Variants in IMMP2L observed in about 807,000 individuals in gnomAD.
The protein encoded by IMMP2L is inner mitochondrial membrane peptidase subunit 2.
IMMP2L carries 18 observed loss-of-function variants against 19.3 expected under a neutral mutation model. The ratio of observed to expected loss-of-function variants is 0.93; its 90% CI spans 0.64 to 1.38. IMMP2L has a LOEUF of 1.38. Ranked by LOEUF, IMMP2L falls within the 40% of genes most tolerant of loss-of-function variation. The pLI is 0.00. For missense variants in IMMP2L, 233 were observed against 218.2 expected (o/e 1.07, Z -0.43); for synonymous variants, 76 against 73.0 (o/e 1.04, Z -0.21).
At chr7:110,746,995 A>G (rs953769442) in intron 5 of IMMP2L, among the ~76,000 whole-genome samples, 1 of 152,178 alleles carries the variant, frequency 6.6e-6, no homozygotes, top group African/African-American at 2.4e-5. Flanking sequence ...AACAAAATTG[A>G]TAGACCACTA....
intron 1 of IMMP2L, among the ~76,000 whole-genome samples, chr7:111,551,963 G>T (rs1790714704): frequency 6.6e-6 from 1 of 152,062 alleles, no homozygotes. Flanking sequence ...GCATTCAGAG[G>T]TTTCCTCAAG....
At chr7:111,551,626 T>G (rs1278348261) in intron 1 of IMMP2L, among the ~76,000 whole-genome samples, 1 of 151,656 alleles carries the variant, frequency 6.6e-6, no homozygotes, top group Non-Finnish European at 1.5e-5. Flanking sequence ...GGCTAAGGGC[T>G]CCAGTGGCAA....
intron 5 of IMMP2L, among the ~76,000 whole-genome samples, chr7:110,816,484 G>A (rs901942686): frequency 1.6e-4 from 25 of 151,784 alleles, no homozygotes; most frequent in African/African-American, 5.5e-4. Flanking sequence ...TATTAGGTCT[G>A]CTTGGTGCAG....
intron 3 of IMMP2L, among the ~76,000 whole-genome samples, chr7:111,249,619 A>G (rs1815835069): frequency 6.6e-6 from 1 of 152,222 alleles, no homozygotes; most frequent in Admixed American, 6.5e-5. Flanking sequence ...AGAGAAAGTC[A>G]TATTTGTAAT....
intron 3 of IMMP2L, among the ~76,000 whole-genome samples, chr7:111,048,238 CAAAAAAAAAAAAAAAAAA>C (rs575701337): frequency 1.6e-4 from 3 of 18,342 alleles, no homozygotes; most frequent in Non-Finnish European, 2.8e-4. Flanking sequence ...GACTCTGTCT[CAAAAAAAAAAAAAAAAAA>C]AAAAAAAAAG....
At chr7:111,223,634 G>T (rs1812759334) in intron 3 of IMMP2L, among the ~76,000 whole-genome samples, 2 of 152,040 alleles carry the variant, frequency 1.3e-5, no homozygotes, top group Middle Eastern at 3.4e-3. Context: ...AGTCTACTTT[G>T]TAACATGCTT....
intron 1 of IMMP2L, among the ~76,000 whole-genome samples, chr7:111,556,014 G>GTATATATATA: frequency 3.5e-5 from 4 of 114,570 alleles, no homozygotes; most frequent in Non-Finnish European, 6.9e-5. Flanking sequence ...TCTTCTGTGT[G>GTATATATATA]CATGTATATA....
chr7:111,155,197 A>G (rs1444926778), intron 3 of IMMP2L, among the ~76,000 whole-genome samples: 4 of 152,160 alleles, frequency 2.6e-5, no homozygotes, highest in African/African-American at 9.7e-5. Context: ...AGAAGAACCT[A>G]AAGTTTCCAA....
intron 3 of IMMP2L, among the ~76,000 whole-genome samples, chr7:111,325,538 A>C (rs868800089): frequency 1.3e-5 from 2 of 151,810 alleles, no homozygotes; most frequent in African/African-American, 4.8e-5. Flanking sequence ...ACCTACCAAA[A>C]TATTTTTAAT....
At chr7:111,367,632 T>C (rs1232223612) in intron 3 of IMMP2L, among the ~76,000 whole-genome samples, 3 of 152,034 alleles carry the variant, frequency 2.0e-5, no homozygotes, top group Non-Finnish European at 4.4e-5. Flanking sequence ...TTGAGCAATA[T>C]ATATCCTATT....
At chr7:111,530,557 A>T (rs898157917) in intron 1 of IMMP2L, among the ~76,000 whole-genome samples, 5 of 152,168 alleles carry the variant, frequency 3.3e-5, no homozygotes, top group Admixed American at 6.5e-5. Context: ...AGATTTTTTT[A>T]AAAGCAAAAT....
intron 3 of IMMP2L, among the ~76,000 whole-genome samples, chr7:111,160,741 A>G (rs973735542): frequency 2.7e-5 from 4 of 150,486 alleles, no homozygotes; most frequent in African/African-American, 9.7e-5. Context: ...AAGTAAAATT[A>G]AAAAATATAA....
chr7:111,426,732 G>A (rs1458584857), intron 3 of IMMP2L, among the ~76,000 whole-genome samples: 1 of 151,308 alleles, frequency 6.6e-6, no homozygotes, highest in African/African-American at 2.4e-5. Flanking sequence ...TCTGGCATAT[G>A]TGAGTTTACT....
chr7:111,217,518 G>C (rs529684357), intron 3 of IMMP2L, among the ~76,000 whole-genome samples: 2 of 152,116 alleles, frequency 1.3e-5, no homozygotes, highest in South Asian at 4.1e-4. Flanking sequence ...CAGCAGAGCA[G>C]AGTAGCTACA....
intron 1 of IMMP2L, among the ~76,000 whole-genome samples, chr7:111,539,202 GAA>G (rs1161062984): frequency 3.2e-4 from 2 of 6,206 alleles, no homozygotes; most frequent in South Asian, 6.5e-3. Flanking sequence ...GAGGGAGAAA[GAA>G]AGAAAGAAAG....
chr7:111,397,299 C>T (rs572420742), intron 3 of IMMP2L, among the ~76,000 whole-genome samples: 15 of 152,088 alleles, frequency 9.9e-5, no homozygotes, highest in South Asian at 6.2e-4. Flanking sequence ...TCATAGTCTT[C>T]GAAAACATGA....
At chr7:110,969,305 G>A (rs932793903) in intron 3 of IMMP2L, among the ~76,000 whole-genome samples, 2 of 151,938 alleles carry the variant, frequency 1.3e-5, no homozygotes, top group Admixed American at 6.6e-5. Flanking sequence ...AAATTTTTAT[G>A]TAGGTCAGTA....
chr7:111,223,732 C>G (rs2129621197), intron 3 of IMMP2L, among the ~76,000 whole-genome samples: 1 of 152,164 alleles, frequency 6.6e-6, no homozygotes, highest in South Asian at 2.1e-4. Flanking sequence ...GTTCTTCTTG[C>G]AGCTGAAAAT....
chr7:111,481,030 G>A (rs1478645521), intron 3 of IMMP2L, among the ~76,000 whole-genome samples: 1 of 151,902 alleles, frequency 6.6e-6, no homozygotes, highest in Non-Finnish European at 1.5e-5. Flanking sequence ...AAATCTTTAT[G>A]ACTCTTTGTT....
Sources: allele counts gnomAD v4.1 joint callset (sites outside exome capture counted in the v4.1 genomes callset), GRCh38; gene constraint gnomAD v4.1.1; transcripts MANE v1.5; gene names NCBI Gene and HGNC (gene_info 2026-07-23, HGNC 2026-07-21).